NTRK3: variants seen among roughly 807,000 people sequenced by gnomAD.
The protein encoded by NTRK3 is NT-3 growth factor receptor.
Under a neutral mutation model 91.7 loss-of-function variants are expected in NTRK3, and 24 were observed. The ratio of observed to expected loss-of-function variants is 0.26; its 90% confidence interval spans 0.19 to 0.37. The LOEUF (loss-of-function observed/expected upper bound fraction) is 0.37. NTRK3 is among the 10% of genes least tolerant of loss of function. The pLI is 1.00. For synonymous variants in NTRK3, 483 were observed against 404.0 expected (o/e 1.20, Z -2.34); for missense variants, 880 against 1,068.9 (o/e 0.82, Z 2.46).
intron 15 of NTRK3, among the ~76,000 whole-genome samples, chr15:87,938,189 C>T (rs1345875642): frequency 6.6e-6 from 1 of 152,202 alleles, no homozygotes; most frequent in Non-Finnish European, 1.5e-5. Flanking sequence ...TCCCTCTCCC[C>T]AGCAGGCTGT....
chr15:87,929,081 G>A, intron 17 of NTRK3, 110 bp downstream of exon 17: 1 of 1,517,452 alleles, frequency 6.6e-7, no homozygotes, highest in Non-Finnish European at 9.1e-7. Context: ...TCTGGGCATG[G>A]GTGTGTATAT....
intron 5 of NTRK3, among the ~76,000 whole-genome samples, chr15:88,158,189 C>T (rs1269086709): frequency 1.3e-5 from 2 of 152,202 alleles, no homozygotes; most frequent in African/African-American, 4.8e-5. Flanking sequence ...CACAGTGCCT[C>T]ATCCTCAGTG....
At chr15:87,863,991 A>T (rs2064594625) in exon 19 of NTRK3, 2 of 156,672 alleles carry the variant, frequency 1.3e-5, no homozygotes, top group Non-Finnish European at 2.7e-5. Context: ...ACACACACAC[A>T]CATACACACA....
intron 13 of NTRK3, among the ~76,000 whole-genome samples, chr15:88,086,115 C>A (rs1415127286): frequency 1.3e-5 from 2 of 152,196 alleles, no homozygotes; most frequent in Non-Finnish European, 2.9e-5. Flanking sequence ...TAAGACATAA[C>A]CAGAACCGTT....
intron 14 of NTRK3, among the ~76,000 whole-genome samples, chr15:88,029,123 C>G (rs1051682998): frequency 6.6e-6 from 1 of 152,218 alleles, no homozygotes; most frequent in African/African-American, 2.4e-5. Context: ...CTGATGCTCT[C>G]AAGAACCAGA....
At chr15:87,960,579 G>C (rs1252422956) in intron 14 of NTRK3, among the ~76,000 whole-genome samples, 3 of 151,932 alleles carry the variant, frequency 2.0e-5, no homozygotes, top group Non-Finnish European at 2.9e-5. Flanking sequence ...CTGCCTCCCA[G>C]GTTCAAGGGA....
intron 5 of NTRK3, among the ~76,000 whole-genome samples, chr15:88,153,549 C>T (rs2043600083): frequency 6.6e-6 from 1 of 152,160 alleles, no homozygotes; most frequent in African/African-American, 2.4e-5. Flanking sequence ...GCCACTGTGC[C>T]CAGCCTCTTT....
Position 88,192,698 on chromosome 15 carries a change from T to C in NTRK3, c.249-8399A>G, listed in dbSNP as rs143448191. Among the ~76,000 whole-genome samples, 120 of 152,294 alleles carry C rather than the reference T, an allele frequency of 7.9e-4. 1 individual carries two copies. In the East Asian group the frequency reaches 0.01, roughly 13 times the overall value. ...CTTCTCTGAACACACTCCCCTTGTTTTGTGGGCTCCAGTCACACTGTCCTG... is the reference window on the plus strand; with the variant it reads ...CTTCTCTGAACACACTCCCCTTGTTCTGTGGGCTCCAGTCACACTGTCCTG... On this transcript the variant is annotated intron_variant, in intron 3 of 18. Transcript: ENST00000394480.
intron 14 of NTRK3, among the ~76,000 whole-genome samples, chr15:87,992,467 T>G (rs2075364752): frequency 6.6e-6 from 1 of 152,244 alleles, no homozygotes; most frequent in Admixed American, 6.5e-5. Context: ...TTCTGTTTGA[T>G]AATTCTTCTC....
At chr15:88,134,616 T>C (rs1422983627) in intron 10 of NTRK3, among the ~76,000 whole-genome samples, 1 of 152,212 alleles carries the variant, frequency 6.6e-6, no homozygotes, top group Non-Finnish European at 1.5e-5. Context: ...GGACACACTC[T>C]CAAGTCCTTT....
At chr15:88,095,970 A>T (rs1197826098) in intron 13 of NTRK3, among the ~76,000 whole-genome samples, 1 of 152,198 alleles carries the variant, frequency 6.6e-6, no homozygotes, top group Non-Finnish European at 1.5e-5. Context: ...CATTTTTAGC[A>T]GCCCAGCATT....
rs1257948526 is a variant in NTRK3 at position 88,255,829 on chromosome 15, G to A, written c.248+77C>T. ...GGCGAGCTGGGGCGGGCGGAGGGCC[G>A]GCTCCCGGCCGCGGGTGGGCAGGAG... is the stretch of plus-strand genomic sequence containing the variant. On this transcript the variant is annotated intron_variant, in intron 3 of 18. Coordinates refer to ENST00000394480, the Ensembl canonical transcript of NTRK3. The surrounding 1 kb of genome is among the most constrained non-coding windows in gnomAD (Gnocchi z 4.3). The A allele has an allele frequency of 1.1e-5, 15 of 1,337,564 alleles. No homozygotes were observed. In the East Asian group the frequency reaches 3.6e-4, roughly 32 times the overall value. The allele number at this position is 1,337,564 out of a possible 1,614,324, so 82.9% of individuals were successfully genotyped here.
chr15:88,175,847 G>T (rs369607680), intron 5 of NTRK3, among the ~76,000 whole-genome samples: 15 of 152,132 alleles, frequency 9.9e-5, no homozygotes, highest in African/African-American at 3.6e-4. Flanking sequence ...AGCCAGAATC[G>T]AATGTCAGGC....
chr15:87,969,793 T>A (rs968442049), intron 14 of NTRK3, among the ~76,000 whole-genome samples: 5 of 152,150 alleles, frequency 3.3e-5, no homozygotes, highest in African/African-American at 1.2e-4. Flanking sequence ...GCTGCCTTCT[T>A]GAGATCAATT....
chr15:87,993,511 G>T (rs953736407), intron 14 of NTRK3, among the ~76,000 whole-genome samples: 8 of 152,142 alleles, frequency 5.3e-5, no homozygotes, highest in African/African-American at 1.7e-4. Context: ...GAGAAGAATA[G>T]TTCTTCACCT....
rs34799886 is a variant in NTRK3 at position 88,057,502 on chromosome 15, G to GA, written c.1397-24458dup. Among the ~76,000 whole-genome samples the GA allele has an allele frequency of 2.6e-3, 367 of 140,032 alleles. 2 individuals carry two copies. Among genetic ancestry groups the GA allele is most frequent in the African/African-American group, 8.0e-3 (297 of 37,172 alleles). 91.9% of individuals were successfully genotyped at this position (140,032 alleles called of 152,430 possible). On this transcript the variant is annotated intron_variant, in intron 13 of 18. Coordinates refer to ENST00000394480, the Ensembl canonical transcript of NTRK3. Reference sequence around the variant, plus strand: ...GACAGAGCGAGACTCCCTCTAAAAAGAAAAAAAAAAAAGAAAGAAATGTGT... The same window carrying GA: ...GACAGAGCGAGACTCCCTCTAAAAAGAAAAAAAAAAAAAGAAAGAAATGTGT...
intron 17 of NTRK3, among the ~76,000 whole-genome samples, chr15:87,898,466 T>G (rs1481832379): frequency 6.6e-6 from 1 of 151,946 alleles, no homozygotes; most frequent in Non-Finnish European, 1.5e-5. Context: ...GCAGCTAAAG[T>G]GAATTTTGAA....
At chr15:87,917,992 T>C (rs2067568570) in intron 17 of NTRK3, among the ~76,000 whole-genome samples, 1 of 107,070 alleles carries the variant, frequency 9.3e-6, no homozygotes, top group Non-Finnish European at 1.8e-5. Flanking sequence ...TCACTGTTTT[T>C]TTGTGTTTTT....
Position 87,922,565 on chromosome 15 carries a change from C to T in NTRK3, c.2133+6626G>A, listed in dbSNP as rs951163426. Reference sequence around the variant, plus strand: ...TTAAAAGCCCTGAACCTTCAAAAAACAAAAAATGAAATACAACACCCCACT... The same window carrying T: ...TTAAAAGCCCTGAACCTTCAAAAAATAAAAAATGAAATACAACACCCCACT... On this transcript the variant is annotated intron_variant, in intron 17 of 18. Coordinates refer to ENST00000394480, the Ensembl canonical transcript of NTRK3. Among the ~76,000 whole-genome samples the T allele has an allele frequency of 6.6e-5, 10 of 152,052 alleles. 1 individual carries two copies. The highest frequency in any genetic ancestry group is 1.2e-4 in the Non-Finnish European group (8 of 67,988).
Sources: gnomAD v4.1 joint callset for allele counts (sites outside exome capture counted in the v4.1 genomes callset) on GRCh38, gnomAD v4.1.1 for gene constraint, Gnocchi (gnomAD v3.1) non-coding constraint, MANE v1.5 for transcripts, NCBI Gene and HGNC (gene_info 2026-07-23, HGNC 2026-07-21) for gene names.